KCNK17: variants seen among roughly 807,000 people sequenced by gnomAD.
KCNK17 encodes the protein potassium channel subfamily K member 17.
A neutral mutation model predicts 24.6 loss-of-function variants in KCNK17; 27 were observed. That is an observed-to-expected ratio of 1.10 (90% confidence interval 0.81 to 1.51). The LOEUF (loss-of-function observed/expected upper bound fraction) is 1.51. KCNK17 is among the 40% of genes most tolerant of loss of function. The pLI is 0.00. For missense variants in KCNK17, 450 were observed against 436.6 expected, an observed-to-expected ratio of 1.03 and a Z score of -0.27; for synonymous variants, 181 against 189.8, an observed-to-expected ratio of 0.95 and a Z score of 0.38.
At chr6:39,302,318 AG>A (rs1318872441) in intron 4 of KCNK17, among the ~76,000 whole-genome samples, 2 of 151,388 alleles carry the variant, frequency 1.3e-5, no homozygotes, top group Non-Finnish European at 2.9e-5. Context: ...TATTGGTAGG[AG>A]GGGGGTTACA....
chr6:39,304,610 C>T lies in KCNK17; in HGVS notation c.398G>A (p.Cys133Tyr). ...GATCCCCACAAGGGCAAAGAAGATG[C>T]AGAAGAGGCGGGCAGCCATCGTGTT... ...SPNTMAARLF[C>Y]IFFALVGIPL... Residue 133 changes from cysteine to tyrosine, a missense_variant, in exon 3 of 5, where the codon TGC (cysteine) becomes TAC (tyrosine). Coordinates refer to ENST00000373231, the MANE Select transcript of KCNK17 (RefSeq NM_031460.4). 6.2e-7 allele frequency: 1 copy of T among 1,613,946 alleles called. No individual in the cohort carries two copies. Among genetic ancestry groups the T allele is most frequent in the Non-Finnish European group, 8.5e-7 (1 of 1,179,824 alleles).
At chr6:39,310,518 C>T (rs571642638) in intron 2 of KCNK17, among the ~76,000 whole-genome samples, 8 of 152,224 alleles carry the variant, frequency 5.3e-5, no homozygotes, top group East Asian at 1.9e-4. Context: ...CCACCACTCC[C>T]GGGGCTCAGT....
At position 39,299,213 on chromosome 6, in the gene KCNK17, G is replaced by T. The variant is rs9471052; in HGVS notation, c.*214C>A. 9.8e-4 allele frequency: 545 copies of T among 555,402 alleles called. 6 individuals carry two copies. In the South Asian group the frequency reaches 1.0e-2, roughly 10 times the overall value. 34.4% of individuals were successfully genotyped at this position (555,402 alleles called of 1,614,324 possible). A position where few individuals can be genotyped will look rare whatever the true frequency, so the allele number is the denominator to read the frequency against. ...TTGCAGCCCGCTAAAGTAAGGAAGTGGGGGAGAAGGGCATGCTGCCCCGAC... is the reference window on the plus strand; with the variant it reads ...TTGCAGCCCGCTAAAGTAAGGAAGTTGGGGAGAAGGGCATGCTGCCCCGAC... On this transcript the variant is annotated 3_prime_UTR_variant, in exon 5 of 5. Coordinates refer to ENST00000373231, the MANE Select transcript of KCNK17 (RefSeq NM_031460.4).
rs1184031098 is a variant in KCNK17, at chr6:39,299,675, A to G, written c.751T>C (p.Phe251Leu). 4.3e-6 allele frequency: 7 copies of G among 1,614,052 alleles called. No individual in the cohort carries two copies. Residue 251 changes from phenylalanine (F) to leucine (L), a missense_variant, in exon 5 of 5, where the codon TTT becomes CTT. Coordinates refer to ENST00000373231, the MANE Select transcript of KCNK17 (RefSeq NM_031460.4). ...YKNMVSLWIL[F>L]GMAWLALIIK... ...ATCAAGGCCAGCCATGCCATCCCAA[A>G]GAGGATCCACAGGGACACCATGTTC...
chr6:39,306,665 G>A (rs953690219), intron 2 of KCNK17, among the ~76,000 whole-genome samples: 6 of 152,052 alleles, frequency 3.9e-5, no homozygotes, highest in Admixed American at 3.9e-4. Flanking sequence ...CAAGTACAGA[G>A]CATGTGCTTT....
intron 1 of KCNK17, among the ~76,000 whole-genome samples, chr6:39,311,928 G>GCA (rs1405586998): frequency 6.6e-6 from 1 of 152,072 alleles, no homozygotes; most frequent in Admixed American, 6.5e-5. Context: ...GGATGAAGTC[G>GCA]CAGGTATCAG....
At chr6:39,309,798 G>C (rs181980580) in intron 2 of KCNK17, among the ~76,000 whole-genome samples, 2 of 152,318 alleles carry the variant, frequency 1.3e-5, no homozygotes, top group East Asian at 3.9e-4. Context: ...AGTGGCTGCT[G>C]TATGCTGGGC....
chr6:39,299,262 AC>A lies in KCNK17; in HGVS notation c.*164del. 1 of 609,572 alleles carries A rather than the reference AC, an allele frequency of 1.6e-6. No individual in the cohort carries two copies. The highest frequency in any genetic ancestry group is 2.8e-5 in the East Asian group (1 of 35,878). The allele number at this position is 609,572 out of a possible 1,614,324, so 37.8% of individuals were successfully genotyped here. A position where few individuals can be genotyped will look rare whatever the true frequency, so the allele number is the denominator to read the frequency against. Reference sequence around the variant, plus strand: ...ACACCCGAAAGTCACATCCCATGTCACCCAGGACATGTCTCTGTATACCCTA... The same window carrying A: ...ACACCCGAAAGTCACATCCCATGTCACCAGGACATGTCTCTGTATACCCTA... On this transcript the variant is annotated 3_prime_UTR_variant, in exon 5 of 5. Transcript: ENST00000373231.
At chr6:39,300,079 A>G (rs966957796) in intron 4 of KCNK17, among the ~76,000 whole-genome samples, 1 of 152,196 alleles carries the variant, frequency 6.6e-6, no homozygotes, top group Admixed American at 6.5e-5. Context: ...CCCCAGACCT[A>G]CTGGATCAGA....
chr6:39,301,741 C>G (rs1311101153), intron 4 of KCNK17, among the ~76,000 whole-genome samples: 1 of 152,308 alleles, frequency 6.6e-6, no homozygotes, highest in Non-Finnish European at 1.5e-5. Flanking sequence ...GAGGAGTAGC[C>G]GGATGGGACC....
At chr6:39,307,890 C>T (rs895445304) in intron 2 of KCNK17, among the ~76,000 whole-genome samples, 1 of 152,206 alleles carries the variant, frequency 6.6e-6, no homozygotes, top group Non-Finnish European at 1.5e-5. Flanking sequence ...CTTACTGCTC[C>T]CCAAACACAC....
intron 3 of KCNK17, 162 bp downstream of exon 3, chr6:39,304,333 C>T (rs1221690672): frequency 5.1e-6 from 4 of 782,616 alleles, no homozygotes; most frequent in African/African-American, 1.7e-5. Context: ...CCATTAATGC[C>T]CTTTTTCACT....
rs371468240 is a variant in KCNK17 at position 39,303,938 on chromosome 6, A to G, written c.688+19T>C. The G allele has an allele frequency of 1.7e-5, 27 of 1,607,590 alleles. No homozygotes were observed. Among genetic ancestry groups the G allele is most frequent in the Non-Finnish European group, 2.1e-5 (25 of 1,178,450 alleles). On this transcript the variant is annotated intron_variant, in intron 4 of 4. Coordinates refer to ENST00000373231, the MANE Select transcript of KCNK17 (RefSeq NM_031460.4). Reference sequence around the variant, plus strand: ...GGCAGCCGAATGTCCCCGCCAGCCCAACCGCCAGGAACTCTCACCAATCAC... The same window carrying G: ...GGCAGCCGAATGTCCCCGCCAGCCCGACCGCCAGGAACTCTCACCAATCAC...
Position 39,303,968 on chromosome 6 carries a change from T to C in KCNK17, c.677A>G (p.Asp226Gly), listed in dbSNP as rs757059556. 1.2e-6 allele frequency: 2 copies of C among 1,612,536 alleles called. No homozygotes were observed. The highest frequency in any genetic ancestry group is 1.7e-6 in the Non-Finnish European group (2 of 1,179,818). Residue 226 changes from aspartate to glycine, a missense_variant, in exon 4 of 5, where the codon GAC becomes GGC. Physicochemically the swap from Asp to Gly is moderately conservative, Grantham distance 94. Transcript: ENST00000373231. ...FITLSTVGFG[D>G]YVIGMNPSQR... ...CCAGGAACTCTCACCAATCACGTAGTCGCCGAAGCCCACGGTGCTGAGGGT... is the reference window on the plus strand; with the variant it reads ...CCAGGAACTCTCACCAATCACGTAGCCGCCGAAGCCCACGGTGCTGAGGGT...
chr6:39,303,972 C>G lies in KCNK17; in HGVS notation c.673G>C (p.Gly225Arg). ...AFITLSTVGF[G>R]DYVIGMNPSQ... ...GAACTCTCACCAATCACGTAGTCGCCGAAGCCCACGGTGCTGAGGGTGATG... is the reference window on the plus strand; with the variant it reads ...GAACTCTCACCAATCACGTAGTCGCGGAAGCCCACGGTGCTGAGGGTGATG... Residue 225 changes from glycine to arginine, a missense_variant, in exon 4 of 5, where the codon GGC becomes CGC. Physicochemically the swap from Gly to Arg is moderately radical, Grantham distance 125 (BLOSUM62 -2). Coordinates refer to ENST00000373231, the MANE Select transcript of KCNK17 (RefSeq NM_031460.4). 1 of 1,612,854 alleles carries G rather than the reference C, an allele frequency of 6.2e-7. No homozygotes were observed. The highest frequency in any genetic ancestry group is 1.1e-5 in the South Asian group (1 of 91,064).
At chr6:39,301,048 C>T (rs1292363050) in intron 4 of KCNK17, among the ~76,000 whole-genome samples, 1 of 152,164 alleles carries the variant, frequency 6.6e-6, no homozygotes, top group East Asian at 1.9e-4. Flanking sequence ...AGAATGGTGC[C>T]TGGTACATAA....
Position 39,314,298 on chromosome 6 carries a change from G to A in KCNK17, c.23C>T (p.Ala8Val), listed in dbSNP as rs747814509. ...GCCCCGGACCCTGCCCTCGGGAGCC[G>A]CCCGGGCTCGCGGTCGGTACATAGC... Reference protein sequence around the residue: MYRPRARAAPEGRVRGCA... With the variant: MYRPRARVAPEGRVRGCA... Residue 8 changes from alanine (A) to valine (V), a missense_variant, in exon 1 of 5, where the codon GCG becomes GTG. By Grantham distance (64) the Ala-to-Val change is moderately conservative. Coordinates refer to ENST00000373231, the MANE Select transcript of KCNK17 (RefSeq NM_031460.4). 5 of 1,460,278 alleles carry A rather than the reference G, an allele frequency of 3.4e-6. No homozygotes were observed. The highest frequency in any genetic ancestry group is 2.4e-5 in the Admixed American group (1 of 41,956). The allele number at this position is 1,460,278 out of a possible 1,614,324, so 90.5% of individuals were successfully genotyped here.
In KCNK17 at chr6:39,299,244, A is replaced by G; in HGVS notation, c.*183T>C. 1 of 587,752 alleles carries G rather than the reference A, an allele frequency of 1.7e-6. No homozygotes were observed. Among genetic ancestry groups the G allele is most frequent in the East Asian group, 2.8e-5 (1 of 35,216 alleles). The allele number at this position is 587,752 out of a possible 1,614,324, so 36.4% of individuals were successfully genotyped here. On this transcript the variant is annotated 3_prime_UTR_variant, in exon 5 of 5. Coordinates refer to ENST00000373231, the MANE Select transcript of KCNK17 (RefSeq NM_031460.4). ...GAAGGGCATGCTGCCCCGACACCCG[A>G]AAGTCACATCCCATGTCACCCAGGA... is the stretch of plus-strand genomic sequence containing the variant.
Position 39,299,431 on chromosome 6 carries a change from C to T in KCNK17, c.995G>A (p.Ser332Asn), listed in dbSNP as rs1421919561. The stretch of plus-strand genomic sequence containing the variant: ...CGACCAAAGAATGGAGTATAACTAG[C>T]TGTCCTTGCCACAGCCTGCAGCGTG... ...SAHAAGCGKD[S>N] Residue 332 changes from serine to asparagine, a missense_variant, in exon 5 of 5, where the codon AGC becomes AAC. Physicochemically the swap from Ser to Asn is conservative, Grantham distance 46 (BLOSUM62 1). Coordinates refer to ENST00000373231, the MANE Select transcript of KCNK17 (RefSeq NM_031460.4). 6 of 1,611,012 alleles carry T rather than the reference C, an allele frequency of 3.7e-6. No homozygotes were observed. Among genetic ancestry groups the T allele is most frequent in the East Asian group, 2.2e-5 (1 of 44,838 alleles).
Sources: allele counts gnomAD v4.1 joint callset (sites outside exome capture counted in the v4.1 genomes callset), GRCh38; gene constraint gnomAD v4.1.1; transcripts MANE v1.5; gene names NCBI Gene and HGNC (gene_info 2026-07-23, HGNC 2026-07-21).